Variants in HAUS6 observed in about 807,000 individuals in gnomAD.
HAUS6 encodes the protein HAUS augmin-like complex subunit 6.
A neutral mutation model predicts 106.8 loss-of-function variants in HAUS6; 80 were observed. That is an observed-to-expected ratio of 0.75 (90% CI 0.63 to 0.90). The LOEUF (loss-of-function observed/expected upper bound fraction) is 0.90. Ranked by LOEUF, HAUS6 falls within the 40% of genes least tolerant of loss-of-function variation. The pLI, the probability that HAUS6 is intolerant of heterozygous loss-of-function variation, is 0.00. For synonymous variants in HAUS6, 356 were observed against 379.1 expected (o/e 0.94, Z 0.71); for missense variants, 1,155 against 1,118.1 (o/e 1.03, Z -0.47).
chr9:19,078,095 G>A (rs1175657545), intron 10 of HAUS6, 81 bp downstream of exon 10: 2 of 1,125,344 alleles, frequency 1.8e-6, no homozygotes, highest in East Asian at 2.4e-5. Flanking sequence ...CTCCAGCCTG[G>A]GCAACAGAGC....
chr9:19,071,273 T>C (rs1424153727), intron 11 of HAUS6, among the ~76,000 whole-genome samples: 1 of 152,070 alleles, frequency 6.6e-6, no homozygotes, highest in Non-Finnish European at 1.5e-5. Flanking sequence ...ATAGGAGGTA[T>C]CTAAAGAAAA....
At position 19,087,068 on chromosome 9, in the gene HAUS6, T is replaced by C. The variant is rs1473782564; in HGVS notation, c.650+23A>G. 11 of 1,195,952 alleles carry C rather than the reference T, an allele frequency of 9.2e-6. No homozygotes were observed. In the Admixed American group the frequency reaches 1.7e-4, roughly 18 times the overall value. The allele number at this position is 1,195,952 out of a possible 1,614,324, so 74.1% of individuals were successfully genotyped here. A position where few individuals can be genotyped will look rare whatever the true frequency, so the allele number is the denominator to read the frequency against. On this transcript the variant is annotated intron_variant, in intron 6 of 16. Coordinates refer to ENST00000380502, the MANE Select transcript of HAUS6 (RefSeq NM_017645.5). ...GAGCTAAACTAGTATCTAAGGCAACTTCTAGCTCTAAAAGTCACTTACTTC... is the reference window on the plus strand; with the variant it reads ...GAGCTAAACTAGTATCTAAGGCAACCTCTAGCTCTAAAAGTCACTTACTTC...
At chr9:19,080,808 C>A in intron 8 of HAUS6, 136 bp from the exon 9 acceptor site, 1 of 597,140 alleles carries the variant, frequency 1.7e-6, no homozygotes, top group East Asian at 2.9e-5. Context: ...CGGCTCACAC[C>A]TGTAATCCCA....
chr9:19,079,414 A>G (rs1294844863), intron 9 of HAUS6, among the ~76,000 whole-genome samples: 1 of 151,312 alleles, frequency 6.6e-6, no homozygotes, highest in Admixed American at 6.6e-5. Context: ...TCTTTTTGGT[A>G]GGGACGCAGT....
In HAUS6 at chr9:19,080,467, T is replaced by C. The variant is rs1386595043; in HGVS notation, c.1064+12A>G. The C allele has an allele frequency of 6.4e-7, 1 of 1,570,442 alleles. No homozygotes were observed. The highest frequency in any genetic ancestry group is 1.3e-5 in the African/African-American group (1 of 74,118). On this transcript the variant is annotated intron_variant, in intron 9 of 16. Transcript: ENST00000380502. ...TCCTCCCACAGTAAAATAACAGATC[T>C]TTTTAGTGTACCTCATATGTTTCAG... is the stretch of plus-strand genomic sequence containing the variant.
At chr9:19,077,752 T>C (rs907152040) in intron 10 of HAUS6, among the ~76,000 whole-genome samples, 90 of 152,094 alleles carry the variant, frequency 5.9e-4, no homozygotes, top group South Asian at 4.1e-4. Context: ...TTGCCATATA[T>C]GAAACTATTC....
At chr9:19,099,122 A>C (rs1817928531) in intron 1 of HAUS6, among the ~76,000 whole-genome samples, 1 of 151,570 alleles carries the variant, frequency 6.6e-6, no homozygotes, top group Non-Finnish European at 1.5e-5. Context: ...ATACGTATAA[A>C]ATGTAAGTGA....
chr9:19,069,991 G>C (rs1442126216), intron 12 of HAUS6, among the ~76,000 whole-genome samples: 2 of 151,904 alleles, frequency 1.3e-5, no homozygotes, highest in African/African-American at 4.8e-5. Flanking sequence ...GAACTCCTGG[G>C]CTCAAGCGAT....
rs1355675634 is a variant in HAUS6 at position 19,096,789 on chromosome 9, T to C, written c.129-20A>G. 4 of 1,176,090 alleles carry C rather than the reference T, an allele frequency of 3.4e-6. No homozygotes were observed. Among genetic ancestry groups the C allele is most frequent in the Non-Finnish European group, 3.6e-6 (3 of 823,156 alleles). The allele number at this position is 1,176,090 out of a possible 1,614,324, so 72.9% of individuals were successfully genotyped here. ...ATGTTCCTAGTGGTTAAAAATGAAA[T>C]AGAAATAGAAAAAGAAAAAGGTTAA... On this transcript the variant is annotated intron_variant, in intron 1 of 16. Coordinates refer to ENST00000380502, the MANE Select transcript of HAUS6 (RefSeq NM_017645.5).
chr9:19,083,410 A>G (rs1166983373), intron 7 of HAUS6, among the ~76,000 whole-genome samples: 7 of 152,112 alleles, frequency 4.6e-5, no homozygotes, highest in Non-Finnish European at 8.8e-5. Flanking sequence ...ACCCAGCTCC[A>G]AATCTAAGAA....
chr9:19,065,888 T>A (rs1836751566), intron 12 of HAUS6, among the ~76,000 whole-genome samples: 1 of 152,162 alleles, frequency 6.6e-6, no homozygotes, highest in South Asian at 2.1e-4. Context: ...ATTCTGCATT[T>A]TAAAATTTGT....
chr9:19,059,029 T>C (rs1282377776), intron 15 of HAUS6, 28 bp from the exon 16 acceptor site: 10 of 1,244,136 alleles, frequency 8.0e-6, no homozygotes, highest in Non-Finnish European at 1.2e-5. Context: ...AAACACAGTT[T>C]ACTAACATTC....
chr9:19,087,240 T>A, intron 5 of HAUS6, 84 bp from the exon 6 acceptor site: 2 of 826,922 alleles, frequency 2.4e-6, no homozygotes, highest in Non-Finnish European at 2.1e-6. Flanking sequence ...CCTTTGCATA[T>A]CCTTGTTTAA....
rs753042827 is a variant in HAUS6, at chr9:19,058,661, G to A, written c.2106C>T (p.Phe702=). Reference sequence around the variant, plus strand: ...TTCGGCTAGTTTCTGAAAGCTTGGTGAAGGCTAAACATTCCAAATCTTGCT... The same window carrying A: ...TTCGGCTAGTTTCTGAAAGCTTGGTAAAGGCTAAACATTCCAAATCTTGCT... The part of the protein sequence containing the change: ...ICKQDLECLA[F]TKLSETSRME... Residue 702 remains phenylalanine (F), a synonymous_variant, in exon 16 of 17, where the codon TTC becomes TTT. Coordinates refer to ENST00000380502, the MANE Select transcript of HAUS6 (RefSeq NM_017645.5). 5 of 1,608,650 alleles carry A rather than the reference G, an allele frequency of 3.1e-6. No homozygotes were observed. The South Asian group carries it at 5.5e-5, about 18-fold the overall frequency.
chr9:19,091,023 G>A (rs112181130), intron 4 of HAUS6, among the ~76,000 whole-genome samples: 40 of 152,222 alleles, frequency 2.6e-4, no homozygotes, highest in African/African-American at 6.3e-4. Context: ...AGAATTGGCC[G>A]GGCGCAGTGG....
chr9:19,059,113 CAT>C (rs1836548107), intron 15 of HAUS6, 112 bp from the exon 16 acceptor site: 1 of 639,080 alleles, frequency 1.6e-6, no homozygotes. Context: ...GTACATGTTC[CAT>C]AAATATACTG....
chr9:19,069,742 A>G (rs561061410), intron 12 of HAUS6, among the ~76,000 whole-genome samples: 18 of 152,294 alleles, frequency 1.2e-4, no homozygotes, highest in East Asian at 5.8e-4. Context: ...CCCAGAGTAA[A>G]TAAGATTGGA....
chr9:19,060,895 C>T (rs933519832), intron 14 of HAUS6, among the ~76,000 whole-genome samples: 7 of 152,246 alleles, frequency 4.6e-5, no homozygotes, highest in African/African-American at 1.7e-4. Context: ...GGCATGGTGG[C>T]TCACGCCTGT....
At chr9:19,059,964 G>A (rs1411585605) in intron 15 of HAUS6, 124 bp downstream of exon 15, 8 of 661,918 alleles carry the variant, frequency 1.2e-5, no homozygotes, top group East Asian at 2.8e-5. Flanking sequence ...CACTTAGTAC[G>A]TCGATTACAA....
Sources: gnomAD v4.1 joint callset for allele counts (sites outside exome capture counted in the v4.1 genomes callset) on GRCh38, gnomAD v4.1.1 for gene constraint, MANE v1.5 for transcripts, NCBI Gene and HGNC (gene_info 2026-07-23, HGNC 2026-07-21) for gene names.